Variants in HSD17B11 observed in about 807,000 individuals in gnomAD.
HSD17B11 encodes the protein estradiol 17-beta-dehydrogenase 11.
HSD17B11 carries 22 observed loss-of-function variants against 27.8 expected under a neutral mutation model. The ratio of observed to expected loss-of-function variants is 0.79; its 90% confidence interval spans 0.56 to 1.13. The LOEUF (loss-of-function observed/expected upper bound fraction) is 1.13, where lower values mean the gene tolerates loss of function less well. Ranked by LOEUF, HSD17B11 falls within the 50% of genes most tolerant of loss-of-function variation. HSD17B11 has a pLI of 0.00. For synonymous variants in HSD17B11, 117 were observed against 132.8 expected (o/e 0.88, Z 0.82); for missense variants, 314 against 351.1 (o/e 0.89, Z 0.84).
intron 6 of HSD17B11, 34 bp downstream of exon 6, chr4:87,340,456 C>G (rs1215255054): frequency 7.5e-7 from 1 of 1,334,844 alleles, no homozygotes; most frequent in East Asian, 2.4e-5. Context: ...GTTATTTTAC[C>G]TTTCATTTCT....
intron 4 of HSD17B11, among the ~76,000 whole-genome samples, chr4:87,363,740 C>T (rs921828457): frequency 9.9e-5 from 15 of 152,214 alleles, no homozygotes; most frequent in African/African-American, 2.7e-4. Flanking sequence ...AAGAAATAGA[C>T]ACTGCCCAGA....
chr4:87,361,552 G>C (rs1231284718), intron 4 of HSD17B11, among the ~76,000 whole-genome samples: 2 of 152,106 alleles, frequency 1.3e-5, no homozygotes, highest in African/African-American at 4.8e-5. Context: ...CGGATCACGA[G>C]GTCAGGAGAT....
chr4:87,367,009 G>A (rs1373277283), intron 4 of HSD17B11, among the ~76,000 whole-genome samples: 2 of 152,032 alleles, frequency 1.3e-5, no homozygotes, highest in African/African-American at 4.8e-5. Flanking sequence ...ACAGCTTGCA[G>A]CAATTAAGTA....
intron 5 of HSD17B11, among the ~76,000 whole-genome samples, chr4:87,355,034 C>T (rs1482389687): frequency 6.6e-6 from 1 of 151,346 alleles, no homozygotes; most frequent in Non-Finnish European, 1.5e-5. Flanking sequence ...TGGAGGGTTG[C>T]TTGAGCCCAG....
chr4:87,338,173 T>C (rs1042357274), intron 6 of HSD17B11, among the ~76,000 whole-genome samples: 3 of 152,166 alleles, frequency 2.0e-5, no homozygotes, highest in African/African-American at 7.2e-5. Context: ...GCCCAGATCA[T>C]GCCATTGCGC....
At chr4:87,371,376 TTAATC>T (rs1439586439) in intron 4 of HSD17B11, among the ~76,000 whole-genome samples, 2 of 151,962 alleles carry the variant, frequency 1.3e-5, no homozygotes. Flanking sequence ...ATAGGCAAAA[TTAATC>T]TAAGGTGTTA....
intron 5 of HSD17B11, among the ~76,000 whole-genome samples, chr4:87,342,024 G>A (rs2110112389): frequency 6.6e-6 from 1 of 152,254 alleles, no homozygotes; most frequent in South Asian, 2.1e-4. Flanking sequence ...AATTTGCCAT[G>A]CCACTAAACT....
chr4:87,361,274 C>A (rs1578038497), intron 4 of HSD17B11, among the ~76,000 whole-genome samples: 1 of 152,200 alleles, frequency 6.6e-6, no homozygotes, highest in African/African-American at 2.4e-5. Context: ...CTGCTACACT[C>A]CCACCAGCGC....
At chr4:87,353,004 G>A (rs9684665) in intron 5 of HSD17B11, among the ~76,000 whole-genome samples, 4 of 107,626 alleles carry the variant, frequency 3.7e-5, no homozygotes, top group East Asian at 4.3e-4. Flanking sequence ...ACACACACTG[G>A]CCTGCGCCCA....
intron 1 of HSD17B11, among the ~76,000 whole-genome samples, chr4:87,385,359 A>G (rs1043587551): frequency 6.6e-6 from 1 of 152,186 alleles, no homozygotes; most frequent in Non-Finnish European, 1.5e-5. Context: ...ACTTATATGC[A>G]GTACCCAGAG....
intron 6 of HSD17B11, among the ~76,000 whole-genome samples, chr4:87,339,684 T>A (rs933694168): frequency 6.6e-6 from 1 of 152,202 alleles, no homozygotes; most frequent in Non-Finnish European, 1.5e-5. Context: ...TGTGTTATGA[T>A]GAGACATTCG....
intron 5 of HSD17B11, among the ~76,000 whole-genome samples, chr4:87,341,688 C>T (rs1482001768): frequency 6.6e-6 from 1 of 151,954 alleles, no homozygotes; most frequent in Non-Finnish European, 1.5e-5. Context: ...TGGCAAAATC[C>T]TGTCTCTACA....
intron 5 of HSD17B11, among the ~76,000 whole-genome samples, chr4:87,346,022 T>C (rs879663300): frequency 2.0e-5 from 3 of 152,168 alleles, no homozygotes; most frequent in Admixed American, 6.5e-5. Flanking sequence ...CTTAGGAATA[T>C]AGATGCAAAA....
intron 5 of HSD17B11, among the ~76,000 whole-genome samples, chr4:87,353,449 G>A (rs1164363984): frequency 6.6e-6 from 1 of 152,222 alleles, no homozygotes; most frequent in Non-Finnish European, 1.5e-5. Flanking sequence ...GAAGTAATAA[G>A]TTTCTATATT....
chr4:87,379,832 T>C (rs1471942378), intron 2 of HSD17B11, among the ~76,000 whole-genome samples: 1 of 115,320 alleles, frequency 8.7e-6, no homozygotes, highest in African/African-American at 4.1e-5. Flanking sequence ...ATAGTATATG[T>C]ATTATACTAT....
intron 5 of HSD17B11, among the ~76,000 whole-genome samples, chr4:87,354,111 C>G (rs11939415): frequency 6.6e-6 from 1 of 152,016 alleles, no homozygotes; most frequent in Admixed American, 6.6e-5. Flanking sequence ...ATTTTAAAGA[C>G]TGTTTGATAG....
intron 4 of HSD17B11, among the ~76,000 whole-genome samples, chr4:87,367,875 T>C (rs780985476): frequency 6.6e-6 from 1 of 152,244 alleles, no homozygotes; most frequent in Non-Finnish European, 1.5e-5. Flanking sequence ...CCTTCTAATT[T>C]AGTTTACTTG....
intron 1 of HSD17B11, among the ~76,000 whole-genome samples, chr4:87,385,364 C>G (rs1434712146): frequency 1.3e-5 from 2 of 151,874 alleles, no homozygotes; most frequent in Non-Finnish European, 2.9e-5. Flanking sequence ...TATGCAGTAC[C>G]CAGAGTATCA....
chr4:87,370,742 TATTATTATTA>T (rs1446162560), intron 4 of HSD17B11, among the ~76,000 whole-genome samples: 2 of 35,194 alleles, frequency 5.7e-5, no homozygotes, highest in Non-Finnish European at 1.1e-4. Flanking sequence ...TTATTATTAT[TATTATTATTA>T]TTATTTTTTT....
Sources: gnomAD v4.1 joint callset for allele counts (sites outside exome capture counted in the v4.1 genomes callset) on GRCh38, gnomAD v4.1.1 for gene constraint, MANE v1.5 for transcripts, NCBI Gene and HGNC (gene_info 2026-07-23, HGNC 2026-07-21) for gene names.